Variants in STAU2 observed in about 807,000 individuals in gnomAD.
The protein encoded by STAU2 is staufen double-stranded RNA binding protein 2.
Under a neutral mutation model 65.9 loss-of-function variants are expected in STAU2, and 20 were observed. The ratio of observed to expected loss-of-function variants is 0.30; its 90% confidence interval spans 0.21 to 0.44. STAU2 has a LOEUF of 0.44. Among genes scored for constraint, STAU2 ranks in the 20% least tolerant of loss-of-function variants. The pLI is 1.00. For synonymous variants in STAU2, 232 were observed against 233.9 expected (o/e 0.99, Z 0.07); for missense variants, 558 against 683.9 (o/e 0.82, Z 2.05).
intron 6 of STAU2, among the ~76,000 whole-genome samples, chr8:73,662,762 A>T (rs1437575936): frequency 6.6e-6 from 1 of 152,074 alleles, no homozygotes; most frequent in East Asian, 1.9e-4. Flanking sequence ...GGTTACAGGC[A>T]TGCGCCACCA....
intron 4 of STAU2, among the ~76,000 whole-genome samples, chr8:73,701,925 T>A (rs1052398587): frequency 6.6e-6 from 1 of 152,146 alleles, no homozygotes; most frequent in Non-Finnish European, 1.5e-5. Flanking sequence ...TCATTTGCAA[T>A]AACATGGATA....
At chr8:73,432,693 TTGCTGCCC>T (rs1347075113) in intron 13 of STAU2, among the ~76,000 whole-genome samples, 1 of 152,240 alleles carries the variant, frequency 6.6e-6, no homozygotes, top group East Asian at 1.9e-4. Context: ...GTTAACCCAC[TTGCTGCCC>T]TGTTTTCTAA....
chr8:73,446,071 C>A (rs1010301147), intron 13 of STAU2, among the ~76,000 whole-genome samples: 3 of 152,166 alleles, frequency 2.0e-5, no homozygotes, highest in Non-Finnish European at 4.4e-5. Flanking sequence ...TGGTGGGTTA[C>A]AAATTGTGGT....
intron 3 of STAU2, among the ~76,000 whole-genome samples, chr8:73,735,382 C>G (rs1482239590): frequency 6.6e-6 from 1 of 152,048 alleles, no homozygotes; most frequent in Non-Finnish European, 1.5e-5. Context: ...TGGGGGATGA[C>G]AGTTATAGTC....
chr8:73,573,773 A>G (rs1809295327), intron 12 of STAU2, among the ~76,000 whole-genome samples: 1 of 152,244 alleles, frequency 6.6e-6, no homozygotes, highest in Non-Finnish European at 1.5e-5. Context: ...TTAAACACTG[A>G]AATGTTAGAC....
chr8:73,600,938 C>T (rs531124869), intron 10 of STAU2, among the ~76,000 whole-genome samples: 2 of 152,334 alleles, frequency 1.3e-5, no homozygotes, highest in East Asian at 3.9e-4. Flanking sequence ...GACTTTCATT[C>T]CCTGCTAATA....
chr8:73,650,041 A>G (rs1169367998), intron 6 of STAU2, among the ~76,000 whole-genome samples: 1 of 151,700 alleles, frequency 6.6e-6, no homozygotes, highest in Non-Finnish European at 1.5e-5. Context: ...AGTAAATCGC[A>G]GATTTTATTC....
chr8:73,667,787 G>A (rs1317954179), intron 6 of STAU2, among the ~76,000 whole-genome samples: 2 of 152,180 alleles, frequency 1.3e-5, no homozygotes, highest in Admixed American at 6.6e-5. Flanking sequence ...ATGACCTCAC[G>A]AAAGTCCTTC....
intron 5 of STAU2, among the ~76,000 whole-genome samples, chr8:73,680,821 A>G (rs1818374125): frequency 6.6e-6 from 1 of 152,008 alleles, no homozygotes; most frequent in Admixed American, 6.6e-5. Context: ...TGCAAAATAT[A>G]CTGCAAAGTT....
chr8:73,703,137 T>C (rs923286642), intron 4 of STAU2, among the ~76,000 whole-genome samples: 2 of 152,194 alleles, frequency 1.3e-5, no homozygotes, highest in Non-Finnish European at 2.9e-5. Flanking sequence ...TGTTGGATTG[T>C]AATCCCCAAT....
chr8:73,655,804 A>T lies in STAU2; in HGVS notation c.410+17303T>A, dbSNP rs567005008. On this transcript the variant is annotated intron_variant, in intron 6 of 14. Coordinates refer to ENST00000524300, the MANE Select transcript of STAU2 (RefSeq NM_001164380.2). ...GCTGGGACTACAGGTGCCTGCCACCACACCCGGCTAATTTTTTGTATTTTT... is the reference window on the plus strand; with the variant it reads ...GCTGGGACTACAGGTGCCTGCCACCTCACCCGGCTAATTTTTTGTATTTTT... Among the ~76,000 whole-genome samples, 1,300 of 151,876 alleles carry T rather than the reference A, an allele frequency of 8.6e-3. 20 individuals are homozygous for T. Among genetic ancestry groups the T allele is most frequent in the African/African-American group, 0.029 (1,212 of 41,394 alleles).
intron 6 of STAU2, chr8:73,672,402 A>G (rs759605473): frequency 1.3e-5 from 2 of 152,154 alleles, no homozygotes; most frequent in Non-Finnish European, 2.9e-5. Flanking sequence ...AACATTCTGT[A>G]TCTCGATCTG....
At chr8:73,659,400 G>A (rs1056771912) in intron 6 of STAU2, among the ~76,000 whole-genome samples, 1 of 152,130 alleles carries the variant, frequency 6.6e-6, no homozygotes, top group Non-Finnish European at 1.5e-5. Flanking sequence ...AGCCTGGCAT[G>A]GTGGCACATG....
intron 11 of STAU2, among the ~76,000 whole-genome samples, chr8:73,585,175 A>G (rs1364965699): frequency 1.3e-5 from 2 of 152,222 alleles, no homozygotes; most frequent in African/African-American, 4.8e-5. Flanking sequence ...TTCTTACCTT[A>G]TGTTACCTCA....
rs182335773 is a variant in STAU2, at chr8:73,471,380, G to A, written c.1531-48678C>T. On this transcript the variant is annotated intron_variant, in intron 13 of 14. Coordinates refer to ENST00000524300, the MANE Select transcript of STAU2 (RefSeq NM_001164380.2). The stretch of plus-strand genomic sequence containing the variant: ...TTATTTTTTTTTTAGTAAAGATGGC[G>A]TTTTACTATGTTGCCCAGGCTGGTC... 8.6e-5 allele frequency among the ~76,000 whole-genome samples: 13 copies of A among 151,082 alleles called. 2 individuals carry two copies. Among genetic ancestry groups the A allele is most frequent in the Admixed American group, 4.6e-4 (7 of 15,210 alleles).
chr8:73,605,575 C>T (rs550356473), intron 9 of STAU2, among the ~76,000 whole-genome samples: 1 of 152,012 alleles, frequency 6.6e-6, no homozygotes, highest in Non-Finnish European at 1.5e-5. Context: ...TCCCAAAGTG[C>T]TCAGATTACG....
chr8:73,573,253 G>T (rs562595027), intron 12 of STAU2, among the ~76,000 whole-genome samples: 18 of 152,230 alleles, frequency 1.2e-4, no homozygotes, highest in African/African-American at 4.1e-4. Context: ...ACATAAAAGA[G>T]GACACAAACA....
chr8:73,669,944 C>T (rs1817548286), intron 6 of STAU2, among the ~76,000 whole-genome samples: 1 of 151,940 alleles, frequency 6.6e-6, no homozygotes, highest in Non-Finnish European at 1.5e-5. Flanking sequence ...ACCACAGATA[C>T]CAAAATAAAA....
chr8:73,690,866 T>C (rs1416977405), intron 4 of STAU2, among the ~76,000 whole-genome samples: 5 of 152,210 alleles, frequency 3.3e-5, no homozygotes, highest in Admixed American at 6.5e-5. Context: ...TTAAAATATA[T>C]ACCTAAAATG....
Sources: gnomAD v4.1 joint callset for allele counts (sites outside exome capture counted in the v4.1 genomes callset) on GRCh38, gnomAD v4.1.1 for gene constraint, MANE v1.5 for transcripts, NCBI Gene and HGNC (gene_info 2026-07-23, HGNC 2026-07-21) for gene names.